PLAAT1: variants seen among roughly 807,000 people sequenced by gnomAD.
PLAAT1 encodes phospholipase A and acyltransferase 1.
A neutral mutation model predicts 16.4 loss-of-function variants in PLAAT1; 13 were observed. The observed-to-expected ratio is 0.79, with a 90% CI of 0.52 to 1.26. The LOEUF is 1.26. Among genes scored for constraint, PLAAT1 ranks in the 50% most tolerant of loss-of-function variants. The pLI is 0.00. For missense variants in PLAAT1, 218 were observed against 207.8 expected (o/e 1.05, Z -0.30); for synonymous variants, 73 against 78.4 (o/e 0.93, Z 0.36).
At chr3:193,257,564 C>T (rs575041970) in intron 2 of PLAAT1, among the ~76,000 whole-genome samples, 1 of 152,164 alleles carries the variant, frequency 6.6e-6, no homozygotes, top group Non-Finnish European at 1.5e-5. Context: ...GAAGATTTCT[C>T]AAAACTATAC....
chr3:193,246,625 G>A (rs1465790702), intron 1 of PLAAT1, among the ~76,000 whole-genome samples: 1 of 152,166 alleles, frequency 6.6e-6, no homozygotes, highest in African/African-American at 2.4e-5. Flanking sequence ...GCCTCCCAAA[G>A]TGCTGGGATT....
chr3:193,261,837 G>T (rs1347819352), intron 2 of PLAAT1, among the ~76,000 whole-genome samples: 2 of 152,096 alleles, frequency 1.3e-5, no homozygotes, highest in Admixed American at 6.6e-5. Flanking sequence ...TTTGCATGTG[G>T]TTATTAAAAA....
chr3:193,248,920 A>G (rs1016831021), intron 1 of PLAAT1, among the ~76,000 whole-genome samples: 3 of 152,060 alleles, frequency 2.0e-5, no homozygotes, highest in Non-Finnish European at 2.9e-5. Context: ...ATGTATTTCC[A>G]TGTTGCTACT....
intron 1 of PLAAT1, among the ~76,000 whole-genome samples, chr3:193,244,673 T>C (rs1412327636): frequency 2.6e-5 from 4 of 152,098 alleles, no homozygotes; most frequent in Non-Finnish European, 5.9e-5. Context: ...AAATCCAAGG[T>C]CAAGGGACCA....
At chr3:193,276,016 C>T (rs1482825508) in intron 2 of PLAAT1, among the ~76,000 whole-genome samples, 3 of 152,092 alleles carry the variant, frequency 2.0e-5, no homozygotes, top group African/African-American at 7.2e-5. Context: ...TAATATTTTG[C>T]CACTGTAGAT....
At chr3:193,276,889 C>A in intron 2 of PLAAT1, 1 of 1,194,148 alleles carries the variant, frequency 8.4e-7, no homozygotes, top group Non-Finnish European at 1.2e-6. Flanking sequence ...GAAAAAAGAC[C>A]ATATTAATTA....
intron 1 of PLAAT1, among the ~76,000 whole-genome samples, chr3:193,243,298 TTGTC>T (rs1715849853): frequency 6.6e-6 from 1 of 152,084 alleles, no homozygotes. Context: ...ATTACACAAT[TTGTC>T]TGAATGAAAT....
At chr3:193,242,599 A>G (rs1047543857) in intron 1 of PLAAT1, among the ~76,000 whole-genome samples, 2 of 152,176 alleles carry the variant, frequency 1.3e-5, no homozygotes, top group African/African-American at 2.4e-5. Flanking sequence ...GCGGGGGACC[A>G]AGATGGGGAG....
downstream of PLAAT1, among the ~76,000 whole-genome samples, chr3:193,274,113 G>A (rs567474578): frequency 1.1e-4 from 17 of 152,092 alleles, no homozygotes; most frequent in East Asian, 9.7e-4. Flanking sequence ...GCATGGTAGC[G>A]GGTGCCTGTA....
At chr3:193,242,605 G>A (rs1378639970) in intron 1 of PLAAT1, among the ~76,000 whole-genome samples, 3 of 152,134 alleles carry the variant, frequency 2.0e-5, no homozygotes, top group Non-Finnish European at 4.4e-5. Flanking sequence ...GACCAAGATG[G>A]GGAGTCAGTG....
At chr3:193,258,656 G>C (rs1011505025) in intron 2 of PLAAT1, among the ~76,000 whole-genome samples, 18 of 152,060 alleles carry the variant, frequency 1.2e-4, no homozygotes, top group Non-Finnish European at 2.2e-4. Flanking sequence ...AGAGGAAATG[G>C]ACAAATTTTG....
intron 1 of PLAAT1, among the ~76,000 whole-genome samples, chr3:193,246,509 G>A (rs1198647233): frequency 1.3e-5 from 2 of 152,064 alleles, no homozygotes; most frequent in Non-Finnish European, 2.9e-5. Flanking sequence ...TAGGACCACA[G>A]GCACATGCCA....
At chr3:193,264,667 C>T (rs1419820531) in intron 3 of PLAAT1, among the ~76,000 whole-genome samples, 1 of 152,116 alleles carries the variant, frequency 6.6e-6, no homozygotes, top group Non-Finnish European at 1.5e-5. Flanking sequence ...CTATGCCTAG[C>T]TAATTTTTTG....
chr3:193,261,585 C>T (rs1008510003), intron 2 of PLAAT1, among the ~76,000 whole-genome samples: 1 of 152,116 alleles, frequency 6.6e-6, no homozygotes, highest in African/African-American at 2.4e-5. Context: ...TGATTCAGAG[C>T]TTCCAGAGTC....
chr3:193,280,210 A>C (rs950413146), downstream of PLAAT1, among the ~76,000 whole-genome samples: 4 of 151,812 alleles, frequency 2.6e-5, no homozygotes, highest in Admixed American at 6.6e-5. Flanking sequence ...ACCACCATGC[A>C]TGGCTAAATT....
chr3:193,273,557 A>G (rs571394249), downstream of PLAAT1, among the ~76,000 whole-genome samples: 7 of 152,346 alleles, frequency 4.6e-5, no homozygotes, highest in South Asian at 1.4e-3. Flanking sequence ...TTGAATCCGT[A>G]CATCATGGTA....
intron 3 of PLAAT1, among the ~76,000 whole-genome samples, chr3:193,267,006 CT>C (rs10712228): frequency 0.42 from 63,122 of 151,686 alleles, 14,062 homozygotes; most frequent in African/African-American, 0.56. Context: ...ATGATTTCAT[CT>C]TTTTTTCTTC....
chr3:193,258,375 A>G (rs1716456220), intron 2 of PLAAT1, among the ~76,000 whole-genome samples: 2 of 152,084 alleles, frequency 1.3e-5, no homozygotes, highest in South Asian at 4.1e-4. Context: ...GAACAGACCA[A>G]CCCCAAGCTA....
chr3:193,258,338 T>G (rs923797692), intron 2 of PLAAT1, among the ~76,000 whole-genome samples: 3 of 151,896 alleles, frequency 2.0e-5, no homozygotes, highest in Non-Finnish European at 4.4e-5. Flanking sequence ...CAACCTAATA[T>G]TGCACATAGT....
Sources: allele counts gnomAD v4.1 joint callset (sites outside exome capture counted in the v4.1 genomes callset), GRCh38; gene constraint gnomAD v4.1.1; transcripts MANE v1.5; gene names NCBI Gene and HGNC (gene_info 2026-07-23, HGNC 2026-07-21).